The following FHL2 variants were observed in gnomAD, a reference collection of about 807,000 sequenced individuals.
FHL2 encodes the protein four and a half LIM domains 2.
In FHL2, 20 loss-of-function variants were observed where a neutral mutation model predicts 32.7. That is an observed-to-expected ratio of 0.61 (90% confidence interval 0.43 to 0.89). The LOEUF is 0.89. Ranked by LOEUF, FHL2 falls within the 40% of genes least tolerant of loss-of-function variation. The probability of loss-of-function intolerance (pLI) is 0.00; values close to 1 mark genes in which losing one functional copy is unlikely to be tolerated. For missense variants in FHL2, 311 were observed against 358.6 expected (o/e 0.87, Z 1.07); for synonymous variants, 123 against 128.1 (o/e 0.96, Z 0.27).
intron 4 of FHL2, among the ~76,000 whole-genome samples, chr2:105,368,200 C>T (rs1024852072): frequency 4.6e-5 from 7 of 152,186 alleles, no homozygotes; most frequent in Admixed American, 4.6e-4. Context: ...TGTGAATGAA[C>T]CTGGAACCTC....
intron 1 of FHL2, among the ~76,000 whole-genome samples, chr2:105,405,221 T>C (rs1045014796): frequency 6.6e-6 from 1 of 152,212 alleles, no homozygotes; most frequent in African/African-American, 2.4e-5. Flanking sequence ...TCTTAGAGTT[T>C]TACTCTTTTT....
At chr2:105,364,693 C>CT (rs1311207477) in intron 5 of FHL2, among the ~76,000 whole-genome samples, 2 of 152,182 alleles carry the variant, frequency 1.3e-5, no homozygotes, top group Non-Finnish European at 2.9e-5. Flanking sequence ...CACAATCACA[C>CT]TTTTTTGCTT....
At chr2:105,412,500 G>A (rs1683821914) in intron 1 of FHL2, among the ~76,000 whole-genome samples, 1 of 152,246 alleles carries the variant, frequency 6.6e-6, no homozygotes, top group Non-Finnish European at 1.5e-5. Context: ...GTAGAAGGAT[G>A]AGATTCAGGG....
chr2:105,432,218 A>T (rs1164470612), intron 1 of FHL2, among the ~76,000 whole-genome samples: 1 of 152,184 alleles, frequency 6.6e-6, no homozygotes, highest in Non-Finnish European at 1.5e-5. Flanking sequence ...TTGAGTCCCA[A>T]CACATTTGCA....
chr2:105,433,405 C>A (rs1369054479), intron 1 of FHL2, among the ~76,000 whole-genome samples: 1 of 152,156 alleles, frequency 6.6e-6, no homozygotes, highest in Non-Finnish European at 1.5e-5. Flanking sequence ...TGGTCTTGAA[C>A]TTCTGACTTC....
Position 105,367,597 on chromosome 2 carries a change from A to G in FHL2, c.474T>C (p.His158=), listed in dbSNP as rs144549455. Residue 158 remains histidine (H), a synonymous_variant, in exon 5 of 7, where the codon CAT becomes CAC. Coordinates refer to ENST00000530340, the MANE Select transcript of FHL2 (RefSeq NM_001318895.3). ...NFCVPCYEKQ[H]AMQCVQCKKP... ...TTTTGCACTGAACGCACTGCATGGC[A>G]TGTTGTTTCTCATAGCAGGGCACAC... is the stretch of plus-strand genomic sequence containing the variant. 2.5e-6 allele frequency: 4 copies of G among 1,613,990 alleles called. No homozygotes were observed. The African/African-American group carries it at 4.0e-5, about 16-fold the overall frequency.
intron 3 of FHL2, among the ~76,000 whole-genome samples, chr2:105,381,788 C>T (rs1377098036): frequency 6.6e-6 from 1 of 152,148 alleles, no homozygotes; most frequent in Admixed American, 6.5e-5. Context: ...AGGTAATTTG[C>T]TCATTGAGAA....
At chr2:105,396,981 A>G (rs1683174829) in intron 1 of FHL2, 4 of 305,464 alleles carry the variant, frequency 1.3e-5, no homozygotes, top group African/African-American at 9.0e-5. Context: ...GGCACAGGAC[A>G]GGAGTAAACT....
At chr2:105,376,778 G>A (rs1681503367) in intron 3 of FHL2, 1 of 152,246 alleles carries the variant, frequency 6.6e-6, no homozygotes, top group African/African-American at 2.4e-5. Context: ...TCTATCAATA[G>A]GTGAAGGGGT....
intron 1 of FHL2, among the ~76,000 whole-genome samples, chr2:105,425,863 A>G (rs1242016028): frequency 6.6e-6 from 1 of 152,038 alleles, no homozygotes; most frequent in African/African-American, 2.4e-5. Context: ...TGAAATAATG[A>G]AAATAATAAT....
At chr2:105,417,560 T>C (rs1683969403) in intron 1 of FHL2, among the ~76,000 whole-genome samples, 1 of 151,514 alleles carries the variant, frequency 6.6e-6, no homozygotes, top group South Asian at 2.1e-4. Flanking sequence ...AGCGTGTGCC[T>C]GTAGTCCCAG....
At chr2:105,411,545 T>A in intron 1 of FHL2, among the ~76,000 whole-genome samples, 1 of 142,840 alleles carries the variant, frequency 7.0e-6, no homozygotes, top group African/African-American at 2.8e-5. Context: ...AGGGTTTTTT[T>A]TTTTTTTTTT....
intron 1 of FHL2, among the ~76,000 whole-genome samples, chr2:105,433,566 C>T (rs1684503611): frequency 6.6e-6 from 1 of 152,172 alleles, no homozygotes. Flanking sequence ...CATTGCACTG[C>T]TTGTATTTAA....
chr2:105,360,494 C>T (rs1680177628), downstream of FHL2: 1 of 152,244 alleles, frequency 6.6e-6, no homozygotes, highest in Non-Finnish European at 1.5e-5. Context: ...GTAGCTGGGA[C>T]TACAGGCGCT....
chr2:105,427,925 A>T (rs1190147255), intron 1 of FHL2, among the ~76,000 whole-genome samples: 1 of 152,234 alleles, frequency 6.6e-6, no homozygotes, highest in Non-Finnish European at 1.5e-5. Flanking sequence ...CACTCTAAGT[A>T]TGAATAACTG....
intron 1 of FHL2, among the ~76,000 whole-genome samples, chr2:105,431,521 C>T (rs992951398): frequency 3.3e-5 from 5 of 152,182 alleles, no homozygotes; most frequent in African/African-American, 1.2e-4. Flanking sequence ...TGCAAATGCC[C>T]TGGGGCAGGG....
In FHL2 at chr2:105,399,014, C is replaced by G. The variant is rs563797935; in HGVS notation, c.-248G>C. ...GACTCCCGGACGGGGCTGGAGGGCG[C>G]GGGCGGCTGGTGGCTGCGGCTCCGC... On this transcript the variant is annotated 5_prime_UTR_variant, in exon 1 of 7. Coordinates refer to ENST00000530340, the MANE Select transcript of FHL2 (RefSeq NM_001318895.3). 57 of 1,496,622 alleles carry G rather than the reference C, an allele frequency of 3.8e-5. 1 individual carries two copies. In the East Asian group the frequency reaches 1.6e-3, roughly 42 times the overall value. 92.7% of individuals were successfully genotyped at this position (1,496,622 alleles called of 1,614,324 possible).
At chr2:105,372,956 T>TC (rs907702699) in intron 4 of FHL2, among the ~76,000 whole-genome samples, 2 of 151,814 alleles carry the variant, frequency 1.3e-5, no homozygotes, top group Non-Finnish European at 2.9e-5. Flanking sequence ...AACAAATAAC[T>TC]CCCCCCACAT....
At chr2:105,411,376 TA>T (rs375362899) in intron 1 of FHL2, among the ~76,000 whole-genome samples, 47 of 151,874 alleles carry the variant, frequency 3.1e-4, no homozygotes, top group African/African-American at 1.1e-3. Context: ...GAGCAAATTT[TA>T]AAAAAAAGTA....
Sources: gnomAD v4.1 joint callset for allele counts (sites outside exome capture counted in the v4.1 genomes callset) on GRCh38, gnomAD v4.1.1 for gene constraint, MANE v1.5 for transcripts, NCBI Gene and HGNC (gene_info 2026-07-23, HGNC 2026-07-21) for gene names.